Variants in DPH6 observed in about 807,000 individuals in gnomAD.
The protein encoded by DPH6 is diphthamine biosynthesis 6, also known as diphthine--ammonia ligase.
DPH6 carries 33 observed loss-of-function variants against 38.2 expected under a neutral mutation model. The ratio of observed to expected loss-of-function variants is 0.86; its 90% CI spans 0.65 to 1.15. The LOEUF (loss-of-function observed/expected upper bound fraction) is 1.15, where lower values mean the gene tolerates loss of function less well. Among genes scored for constraint, DPH6 ranks in the 50% most tolerant of loss-of-function variants. The probability of loss-of-function intolerance (pLI) is 0.00; values close to 1 mark genes in which losing one functional copy is unlikely to be tolerated. For missense variants in DPH6, 325 were observed against 320.0 expected (o/e 1.02, Z -0.12); for synonymous variants, 108 against 103.0 (o/e 1.05, Z -0.30).
the DPH6 span, among the ~76,000 whole-genome samples, chr15:35,192,408 C>G: frequency 1.3e-5 from 2 of 152,162 alleles, no homozygotes; most frequent in Non-Finnish European, 2.9e-5. Context: ...TATCCTTTGA[C>G]CCTAACTTGC....
chr15:35,373,464 C>A (rs958576294), intron 8 of DPH6, 57 bp downstream of exon 8: 2 of 1,453,918 alleles, frequency 1.4e-6, no homozygotes, highest in African/African-American at 1.4e-5. Flanking sequence ...ATATGCAAAG[C>A]CAATGTATAT....
chr15:35,147,397 T>C, the DPH6 span, among the ~76,000 whole-genome samples: 1 of 152,142 alleles, frequency 6.6e-6, no homozygotes, highest in Non-Finnish European at 1.5e-5. Context: ...ACAGGGAATG[T>C]AAAAAAATAT....
chr15:35,177,496 G>A, the DPH6 span, among the ~76,000 whole-genome samples: 1 of 148,946 alleles, frequency 6.7e-6, no homozygotes, highest in Non-Finnish European at 1.5e-5. Flanking sequence ...TGAGGTGGGA[G>A]GATTGCTCAA....
At chr15:35,234,843 C>T (rs969632038) in intron 3 of DPH6, among the ~76,000 whole-genome samples, 1 of 152,134 alleles carries the variant, frequency 6.6e-6, no homozygotes, top group Non-Finnish European at 1.5e-5. Flanking sequence ...CTTGGAACAG[C>T]TTATGGCAAT....
At chr15:35,441,808 A>AT (rs2053792158) in intron 5 of DPH6, among the ~76,000 whole-genome samples, 2 of 2,298 alleles carry the variant, frequency 8.7e-4, no homozygotes, top group Admixed American at 0.014. Flanking sequence ...TTAAAGTATA[A>AT]TAAAAAAAAT....
At chr15:35,480,461 A>G (rs1009186024) in intron 3 of DPH6, among the ~76,000 whole-genome samples, 8 of 152,094 alleles carry the variant, frequency 5.3e-5, no homozygotes, top group African/African-American at 9.6e-5. Context: ...GATGAAGTAT[A>G]AACATCCACA....
intron 3 of DPH6, among the ~76,000 whole-genome samples, chr15:35,332,218 A>G (rs2052331694): frequency 6.6e-6 from 1 of 152,192 alleles, no homozygotes; most frequent in East Asian, 1.9e-4. Context: ...CACATAACCA[A>G]TATCATTTCC....
the DPH6 span, among the ~76,000 whole-genome samples, chr15:35,175,725 C>T: frequency 2.0e-5 from 3 of 152,098 alleles, no homozygotes; most frequent in African/African-American, 7.2e-5. Flanking sequence ...GTTATATTAG[C>T]ACTTAACAGA....
intron 3 of DPH6, chr15:35,238,155 A>G: frequency 1.6e-6 from 1 of 619,624 alleles, no homozygotes; most frequent in Non-Finnish European, 2.3e-6. Flanking sequence ...CCTGAAACTT[A>G]TTTTTTTTTC....
chr15:35,481,180 A>G (rs925082928), intron 3 of DPH6, among the ~76,000 whole-genome samples: 13 of 152,136 alleles, frequency 8.5e-5, no homozygotes, highest in African/African-American at 2.7e-4. Context: ...ACAAATTAGA[A>G]TTTAAATTTA....
intron 3 of DPH6, chr15:35,520,869 A>T: frequency 4.1e-6 from 4 of 985,226 alleles, no homozygotes; most frequent in South Asian, 9.4e-5. Context: ...CTAATAAAGG[A>T]ACCCAAATTC....
intron 6 of DPH6, among the ~76,000 whole-genome samples, chr15:35,404,219 T>C (rs916697081): frequency 2.6e-5 from 4 of 152,288 alleles, no homozygotes; most frequent in Non-Finnish European, 4.4e-5. Flanking sequence ...ATACACTGAT[T>C]TCCTTTCTTT....
the DPH6 span, among the ~76,000 whole-genome samples, chr15:35,190,573 T>C: frequency 6.6e-6 from 1 of 152,176 alleles, no homozygotes; most frequent in Non-Finnish European, 1.5e-5. Context: ...TCTACAACAG[T>C]GATGTTATCC....
chr15:35,455,231 A>G (rs1168293699), intron 3 of DPH6, among the ~76,000 whole-genome samples: 3 of 152,204 alleles, frequency 2.0e-5, no homozygotes, highest in Admixed American at 6.5e-5. Flanking sequence ...TAGATAAGGG[A>G]GCACAATAAT....
chr15:35,516,527 C>G (rs2054850317), intron 3 of DPH6, among the ~76,000 whole-genome samples: 1 of 152,090 alleles, frequency 6.6e-6, no homozygotes, highest in Non-Finnish European at 1.5e-5. Context: ...TGCAGTGGAA[C>G]CTAGAACAAA....
intron 3 of DPH6, among the ~76,000 whole-genome samples, chr15:35,481,109 G>C (rs914076649): frequency 6.6e-6 from 1 of 152,088 alleles, no homozygotes; most frequent in Admixed American, 6.6e-5. Flanking sequence ...TGTGACTACT[G>C]AACATTTGAA....
chr15:35,240,114 T>C (rs1394880608), intron 3 of DPH6, among the ~76,000 whole-genome samples: 1 of 141,934 alleles, frequency 7.0e-6, no homozygotes, highest in East Asian at 2.3e-4. Flanking sequence ...CCTCTTCAAC[T>C]CACACCTGAC....
downstream of DPH6, among the ~76,000 whole-genome samples, chr15:35,329,136 A>G (rs576786288): frequency 6.6e-6 from 1 of 152,324 alleles, no homozygotes; most frequent in East Asian, 1.9e-4. Context: ...AGTCAGTAAA[A>G]GATATTAGAA....
chr15:35,344,632 A>G (rs1469918895), intron 3 of DPH6, among the ~76,000 whole-genome samples: 6 of 151,958 alleles, frequency 3.9e-5, no homozygotes, highest in Non-Finnish European at 8.8e-5. Flanking sequence ...ATAGCATATG[A>G]TATAATACAT....
Sources: allele counts gnomAD v4.1 joint callset (sites outside exome capture counted in the v4.1 genomes callset), GRCh38; gene constraint gnomAD v4.1.1; transcripts MANE v1.5; gene names NCBI Gene and HGNC (gene_info 2026-07-23, HGNC 2026-07-21).